The following DTNA variants were observed in gnomAD, a reference collection of about 807,000 sequenced individuals.
DTNA encodes the protein dystrophin-related protein 3.
A neutral mutation model predicts 100.7 loss-of-function variants in DTNA; 43 were observed. That is an observed-to-expected ratio of 0.43 (90% CI 0.33 to 0.55). The LOEUF is 0.55. Among genes scored for constraint, DTNA ranks in the 20% least tolerant of loss-of-function variants. DTNA has a pLI of 0.04. For synonymous variants in DTNA, 349 were observed against 347.9 expected, an observed-to-expected ratio of 1.00 and a Z score of -0.04; for missense variants, 798 against 953.9, an observed-to-expected ratio of 0.84 and a Z score of 2.15.
intron 1 of DTNA, among the ~76,000 whole-genome samples, chr18:34,752,512 A>G (rs996178463): frequency 4.6e-5 from 7 of 152,212 alleles, no homozygotes; most frequent in Middle Eastern, 3.2e-3. Flanking sequence ...CTATTGAATC[A>G]GTGTAAAGTG....
At chr18:34,538,653 G>T (rs1245551266) in intron 1 of DTNA, among the ~76,000 whole-genome samples, 1 of 151,908 alleles carries the variant, frequency 6.6e-6, no homozygotes, top group Non-Finnish European at 1.5e-5. Flanking sequence ...GTTAAATTTG[G>T]TAATCCGTTA....
intron 21 of DTNA, 71 bp downstream of exon 21, chr18:34,882,272 G>A (rs955444973): frequency 1.3e-6 from 2 of 1,584,484 alleles, no homozygotes; most frequent in African/African-American, 2.7e-5. Context: ...TCTTTGACAT[G>A]ACTTGCAGAA....
intron 1 of DTNA, among the ~76,000 whole-genome samples, chr18:34,672,724 A>G (rs753227892): frequency 7.9e-5 from 12 of 152,116 alleles, no homozygotes; most frequent in Non-Finnish European, 1.5e-4. Flanking sequence ...TAATAATAGG[A>G]CAAAAAAGTT....
At chr18:34,741,833 G>A (rs944095649) in intron 1 of DTNA, among the ~76,000 whole-genome samples, 8 of 152,206 alleles carry the variant, frequency 5.3e-5, no homozygotes, top group Non-Finnish European at 1.0e-4. Flanking sequence ...ATAAATAATA[G>A]TCAAATATTA....
intron 1 of DTNA, among the ~76,000 whole-genome samples, chr18:34,564,541 T>C (rs1290975467): frequency 6.6e-6 from 1 of 152,240 alleles, no homozygotes; most frequent in African/African-American, 2.4e-5. Context: ...TGGGAGCATA[T>C]TAAATACAAA....
intron 1 of DTNA, among the ~76,000 whole-genome samples, chr18:34,633,246 C>T (rs1379480382): frequency 6.6e-6 from 1 of 152,066 alleles, no homozygotes; most frequent in Non-Finnish European, 1.5e-5. Flanking sequence ...GTGCTCTGCC[C>T]AGCCCACAAA....
chr18:34,711,348 T>A (rs559858729), intron 1 of DTNA, among the ~76,000 whole-genome samples: 3 of 152,314 alleles, frequency 2.0e-5, no homozygotes, highest in Non-Finnish European at 4.4e-5. Flanking sequence ...TGATGTTTGA[T>A]GTTTGATGTT....
intron 1 of DTNA, among the ~76,000 whole-genome samples, chr18:34,534,714 C>T (rs1040454329): frequency 2.0e-5 from 3 of 151,972 alleles, no homozygotes; most frequent in South Asian, 2.1e-4. Context: ...TCGTTGTTCA[C>T]CTCCCACTAA....
At chr18:34,829,033 C>T in intron 10 of DTNA, 1 of 1,614,080 alleles carries the variant, frequency 6.2e-7, no homozygotes, top group Non-Finnish European at 8.5e-7. Flanking sequence ...CATTTTATAT[C>T]ATTTCAGCTC....
chr18:34,868,144 G>T, intron 17 of DTNA: 1 of 488,788 alleles, frequency 2.0e-6, no homozygotes, highest in Non-Finnish European at 2.6e-6. Context: ...TGCATGTTCT[G>T]GCAATGAAGC....
intron 13 of DTNA, among the ~76,000 whole-genome samples, chr18:34,843,497 T>C (rs2096311469): frequency 6.6e-6 from 1 of 152,120 alleles, no homozygotes; most frequent in Non-Finnish European, 1.5e-5. Flanking sequence ...AGTCCAAGAC[T>C]AAGGTGCCAG....
intron 1 of DTNA, among the ~76,000 whole-genome samples, chr18:34,535,224 T>G (rs1568607193): frequency 6.6e-6 from 1 of 152,218 alleles, no homozygotes. Context: ...GGTTTTCATT[T>G]GCATTTCTCT....
intron 1 of DTNA, among the ~76,000 whole-genome samples, chr18:34,513,207 G>A (rs2041262718): frequency 6.6e-6 from 1 of 152,008 alleles, no homozygotes; most frequent in Non-Finnish European, 1.5e-5. Flanking sequence ...TAATTTCCAT[G>A]TCCATGAATC....
At chr18:34,496,492 A>C (rs2039244309) in intron 1 of DTNA, among the ~76,000 whole-genome samples, 1 of 152,058 alleles carries the variant, frequency 6.6e-6, no homozygotes, top group South Asian at 2.1e-4. Context: ...TGCTACTTTT[A>C]TCTCACTTGG....
intron 1 of DTNA, among the ~76,000 whole-genome samples, chr18:34,614,921 A>G (rs1599076169): frequency 1.3e-5 from 2 of 152,244 alleles, no homozygotes; most frequent in Admixed American, 1.3e-4. Flanking sequence ...GTAAAATGCT[A>G]TAAAACAGCA....
intron 3 of DTNA, among the ~76,000 whole-genome samples, chr18:34,790,565 ATAT>A (rs1170586363): frequency 4.1e-3 from 105 of 25,850 alleles, no homozygotes; most frequent in East Asian, 0.011. Flanking sequence ...ATATATATAT[ATAT>A]TTTTTTTTTT....
intron 18 of DTNA, 102 bp downstream of exon 18, chr18:34,875,500 G>T: frequency 6.5e-7 from 1 of 1,542,720 alleles, no homozygotes; most frequent in African/African-American, 1.4e-5. Context: ...TGTGACTATT[G>T]TAGGGTCTTT....
Position 34,838,086 on chromosome 18 carries a change from T to C in DTNA, c.1176-8T>C, listed in dbSNP as rs41274310. Reference sequence around the variant, plus strand: ...CGCTCTTCTTGGCTTTCCCATCTTATTAACTAGCTCTCCTCCCAAGGACAG... The same window carrying C: ...CGCTCTTCTTGGCTTTCCCATCTTACTAACTAGCTCTCCTCCCAAGGACAG... On this transcript the variant is annotated splice_polypyrimidine_tract_variant and splice_region_variant and intron_variant, in intron 11 of 22. Transcript: ENST00000444659. 3.4e-3 allele frequency: 5,406 copies of C among 1,613,708 alleles called. 18 individuals are homozygous for C. Among genetic ancestry groups the C allele is most frequent in the South Asian group, 5.1e-3 (466 of 91,050 alleles).
chr18:34,864,841 A>G (rs1290119863), intron 17 of DTNA, among the ~76,000 whole-genome samples: 1 of 152,220 alleles, frequency 6.6e-6, no homozygotes, highest in Non-Finnish European at 1.5e-5. Flanking sequence ...CTCTTCTGTA[A>G]GTAAAATGTT....
Sources: gnomAD v4.1 joint callset for allele counts (sites outside exome capture counted in the v4.1 genomes callset) on GRCh38, gnomAD v4.1.1 for gene constraint, MANE v1.5 for transcripts, NCBI Gene and HGNC (gene_info 2026-07-23, HGNC 2026-07-21) for gene names.